Variants in RPGRIP1 observed in about 807,000 individuals in gnomAD.
The protein encoded by RPGRIP1 is X-linked retinitis pigmentosa GTPase regulator-interacting protein 1.
In RPGRIP1, 128 loss-of-function variants were observed where a neutral mutation model predicts 157.9. The ratio of observed to expected loss-of-function variants is 0.81; its 90% confidence interval spans 0.70 to 0.94. The LOEUF is 0.94. Ranked by LOEUF, RPGRIP1 falls within the 40% of genes least tolerant of loss-of-function variation. The pLI is 0.00. For missense variants in RPGRIP1, 1,486 were observed against 1,545.8 expected, an observed-to-expected ratio of 0.96 and a Z score of 0.65; for synonymous variants, 554 against 571.6, an observed-to-expected ratio of 0.97 and a Z score of 0.44.
In RPGRIP1 at chr14:21,294,830, ATTTTTTTTTTTTTTTTT is replaced by A. The variant is rs746359185; in HGVS notation, c.218+37_218+53del. On this transcript the variant is annotated intron_variant, in intron 3 of 24. Transcript: ENST00000400017. ...AAAAGGTACTTAGAGTTCTCCTTAAATTTTTTTTTTTTTTTTTTTTTTTTTTTTTTTTGAGACGGAGC... is the reference window on the plus strand; with the variant it reads ...AAAAGGTACTTAGAGTTCTCCTTAAATTTTTTTTTTTTTTTGAGACGGAGC... 841 of 777,966 alleles carry A rather than the reference ATTTTTTTTTTTTTTTTT, an allele frequency of 1.1e-3. 2 individuals are homozygous for A. The African/African-American group carries it at 0.022, about 21-fold the overall frequency. The allele number at this position is 777,966 out of a possible 1,614,324, so 48.2% of individuals were successfully genotyped here.
chr14:21,342,997 A>G (rs1754638290), intron 21 of RPGRIP1, 39 bp from the exon 22 acceptor site: 1 of 1,531,370 alleles, frequency 6.5e-7, no homozygotes, highest in Non-Finnish European at 9.0e-7. Context: ...TTGGAGCCTC[A>G]CTAACCTTTA....
chr14:21,284,644 A>G (rs1449109460), intron 1 of RPGRIP1, among the ~76,000 whole-genome samples: 1 of 148,614 alleles, frequency 6.7e-6, no homozygotes, highest in African/African-American at 2.5e-5. Flanking sequence ...TCCCGGGTTC[A>G]AACTATTCTC....
At chr14:21,320,652 T>A (rs1281994549) in intron 12 of RPGRIP1, among the ~76,000 whole-genome samples, 1 of 139,048 alleles carries the variant, frequency 7.2e-6, no homozygotes, top group Non-Finnish European at 1.5e-5. Context: ...CAGGCTGGAG[T>A]GCAATGGCGC....
chr14:21,294,040 G>T (rs1332166989), intron 2 of RPGRIP1, among the ~76,000 whole-genome samples: 1 of 102,876 alleles, frequency 9.7e-6, no homozygotes, highest in Non-Finnish European at 1.9e-5. Context: ...GTGACAGAGC[G>T]AGACCCTGTC....
Position 21,294,776 on chromosome 14 carries a change from A to T in RPGRIP1, c.185A>T (p.Glu62Val), listed in dbSNP as rs752476122. The change falls in exon 3 of 25, where the codon GAG becomes GTG. Residue 62 changes from glutamate to valine, a missense_variant. Coordinates refer to ENST00000400017, the MANE Select transcript of RPGRIP1 (RefSeq NM_020366.4). Reference sequence around the variant, plus strand: ...CGCGAAGATCACATGTTGGTGAAGGAGCTTTCTTGGAAGCAACAGGATGAG... The same window carrying T: ...CGCGAAGATCACATGTTGGTGAAGGTGCTTTCTTGGAAGCAACAGGATGAG... ...RLREDHMLVK[E>V]LSWKQQDEIK... The T allele has an allele frequency of 2.5e-6, 4 of 1,576,390 alleles. No homozygotes were observed. The highest frequency in any genetic ancestry group is 3.5e-6 in the Non-Finnish European group (4 of 1,157,982).
At chr14:21,298,791 T>C (rs1880900888) in intron 3 of RPGRIP1, among the ~76,000 whole-genome samples, 1 of 150,930 alleles carries the variant, frequency 6.6e-6, no homozygotes, top group Non-Finnish European at 1.5e-5. Context: ...AATACAAAAA[T>C]TAGCTGGGTG....
chr14:21,339,437 T>C (rs1419831081), intron 21 of RPGRIP1, among the ~76,000 whole-genome samples: 1 of 151,994 alleles, frequency 6.6e-6, no homozygotes, highest in East Asian at 1.9e-4. Flanking sequence ...AGAGCGAAAC[T>C]CGGTCTCAAA....
intron 2 of RPGRIP1, 77 bp from the exon 3 acceptor site, chr14:21,294,595 GGACAA>G (rs1321825687): frequency 7.4e-7 from 1 of 1,344,696 alleles, no homozygotes; most frequent in Non-Finnish European, 1.0e-6. Flanking sequence ...TATGCTCTCT[GGACAA>G]GATGTGATGA....
intron 21 of RPGRIP1, 59 bp from the exon 22 acceptor site, chr14:21,342,977 G>GT (rs1885170709): frequency 4.0e-6 from 5 of 1,253,606 alleles, no homozygotes; most frequent in African/African-American, 1.5e-5. Context: ...ATTGGATGGC[G>GT]TATAAGCACT....
At chr14:21,302,779 T>C (rs1438104369) in intron 5 of RPGRIP1, 195 bp downstream of exon 5, 4 of 377,976 alleles carry the variant, frequency 1.1e-5, no homozygotes, top group Non-Finnish European at 1.9e-5. Flanking sequence ...TCTGAGGAAA[T>C]GAAAATAAAG....
chr14:21,327,644 C>T lies in RPGRIP1; in HGVS notation c.2732C>T (p.Pro911Leu). Residue 911 changes from proline (P) to leucine (L), a missense_variant, in exon 18 of 25, where the codon CCT becomes CTT. Physicochemically the swap from Pro to Leu is moderately conservative, Grantham distance 98. Transcript: ENST00000400017. ...SIKGDFNLTD[P>L]AEKPNGSIQV... is the part of the protein sequence containing the mutation. ...TCAGGTGATTTTAACCTCACTGACC[C>T]TGCAGAGAAACCCAACGGATCTATT... 3 of 1,613,950 alleles carry T rather than the reference C, an allele frequency of 1.9e-6. No individual in the cohort carries two copies. Among genetic ancestry groups the T allele is most frequent in the Middle Eastern group, 1.6e-4 (1 of 6,062 alleles).
intron 4 of RPGRIP1, 148 bp downstream of exon 4, chr14:21,301,385 T>C (rs1220868059): frequency 2.8e-5 from 25 of 905,912 alleles, no homozygotes; most frequent in Non-Finnish European, 4.0e-5. Flanking sequence ...CTAAAATCTT[T>C]ATTTCCTGAG....
At position 21,287,995 on chromosome 14, in the gene RPGRIP1, C is replaced by G. The variant is rs1231473915; in HGVS notation, c.19C>G (p.Pro7Ala). 1.9e-6 allele frequency: 3 copies of G among 1,612,724 alleles called. No homozygotes were observed. Among genetic ancestry groups the G allele is most frequent in the Middle Eastern group, 1.6e-4 (1 of 6,062 alleles). MSHLVD[P>A]TSGDLPVRDI... ...AGAGATCATGTCACATCTGGTGGACCCTACATCAGGAGACTTGCCAGTTAG... is the reference window on the plus strand; with the variant it reads ...AGAGATCATGTCACATCTGGTGGACGCTACATCAGGAGACTTGCCAGTTAG... Residue 7 changes from proline (P) to alanine (A), a missense_variant, in exon 2 of 25, where the codon CCT becomes GCT. By Grantham distance (27) the Pro-to-Ala change is conservative. Transcript: ENST00000400017.
At chr14:21,348,666 T>C (rs1277043421) in intron 24 of RPGRIP1, among the ~76,000 whole-genome samples, 1 of 132,980 alleles carries the variant, frequency 7.5e-6, no homozygotes, top group Admixed American at 7.4e-5. Context: ...ATCCAGTCTT[T>C]TTTTTTTTTT....
rs189133069 is a variant in RPGRIP1, at chr14:21,334,971, G to A, written c.3339+266G>A. ...TGAGGCAGGAGAATTGCTTGAACCC[G>A]GGAGGCAGAGGTTGCAGTGAGCCAA... On this transcript the variant is annotated intron_variant, in intron 21 of 24. Coordinates refer to ENST00000400017, the MANE Select transcript of RPGRIP1 (RefSeq NM_020366.4). Among the ~76,000 whole-genome samples, 19 of 149,200 alleles carry A rather than the reference G, an allele frequency of 1.3e-4. No individual in the cohort carries two copies. The East Asian group carries it at 3.0e-3, about 23-fold the overall frequency.
chr14:21,336,054 T>C (rs766238140), intron 21 of RPGRIP1, among the ~76,000 whole-genome samples: 10 of 152,002 alleles, frequency 6.6e-5, no homozygotes, highest in African/African-American at 2.4e-4. Flanking sequence ...ACCAAGGAGG[T>C]AGATTGTGTA....
chr14:21,322,014 A>G lies in RPGRIP1; in HGVS notation c.1762+10A>G, dbSNP rs781131526. The stretch of plus-strand genomic sequence containing the variant: ...GACCTTCCAACATCTGGCAAGTCTT[A>G]GTCCTTTGTTCTCCTCACTTCGGGA... On this transcript the variant is annotated intron_variant, in intron 14 of 24. Transcript: ENST00000400017. The G allele has an allele frequency of 2.5e-6, 4 of 1,609,798 alleles. No individual in the cohort carries two copies. Among genetic ancestry groups the G allele is most frequent in the South Asian group, 1.1e-5 (1 of 90,400 alleles).
At chr14:21,294,234 T>C (rs1389068498) in intron 2 of RPGRIP1, among the ~76,000 whole-genome samples, 1 of 37,816 alleles carries the variant, frequency 2.6e-5, no homozygotes, top group East Asian at 4.9e-4. Context: ...TCTGTTTTTG[T>C]TTTTTTTTTT....
chr14:21,320,947 T>C (rs1243936254), intron 12 of RPGRIP1, among the ~76,000 whole-genome samples: 1 of 152,170 alleles, frequency 6.6e-6, no homozygotes, highest in African/African-American at 2.4e-5. Flanking sequence ...CGTAGAGAAC[T>C]TCATGAGCTC....
Sources: allele counts gnomAD v4.1 joint callset (sites outside exome capture counted in the v4.1 genomes callset), GRCh38; gene constraint gnomAD v4.1.1; transcripts MANE v1.5; gene names NCBI Gene and HGNC (gene_info 2026-07-23, HGNC 2026-07-21).